The following FAM149B1 variants were observed in gnomAD, a reference collection of about 807,000 sequenced individuals.
The protein encoded by FAM149B1 is primary cilium assembly protein FAM149B1.
A neutral mutation model predicts 75.3 loss-of-function variants in FAM149B1; 56 were observed. That is an observed-to-expected ratio of 0.74 (90% confidence interval 0.60 to 0.93). The LOEUF is 0.93. Ranked by LOEUF, FAM149B1 falls within the 40% of genes least tolerant of loss-of-function variation. The pLI, the probability that FAM149B1 is intolerant of heterozygous loss-of-function variation, is 0.00. For synonymous variants in FAM149B1, 259 were observed against 256.1 expected (o/e 1.01, Z -0.11); for missense variants, 639 against 708.4 (o/e 0.90, Z 1.11).
intron 8 of FAM149B1, 162 bp from the exon 9 acceptor site, chr10:73,230,260 G>A: frequency 1.8e-6 from 1 of 547,462 alleles, no homozygotes; most frequent in Non-Finnish European, 3.3e-6. Flanking sequence ...ATGGACAGTT[G>A]ACTTGGGGCC....
intron 8 of FAM149B1, among the ~76,000 whole-genome samples, chr10:73,229,158 C>T (rs1261806413): frequency 2.6e-5 from 4 of 152,066 alleles, no homozygotes; most frequent in African/African-American, 9.7e-5. Flanking sequence ...GTATTTCTTG[C>T]AGGAGGCAGA....
intron 8 of FAM149B1, among the ~76,000 whole-genome samples, chr10:73,228,758 G>T (rs527375976): frequency 2.0e-5 from 3 of 152,134 alleles, no homozygotes; most frequent in African/African-American, 7.2e-5. Flanking sequence ...CCACCACTCG[G>T]CTGATTTCTG....
At chr10:73,181,788 GT>G (rs2042403648) in intron 3 of FAM149B1, among the ~76,000 whole-genome samples, 1 of 152,198 alleles carries the variant, frequency 6.6e-6, no homozygotes, top group Admixed American at 6.5e-5. Flanking sequence ...TAAGTCTGAT[GT>G]TTCTTTGTTG....
intron 5 of FAM149B1, among the ~76,000 whole-genome samples, chr10:73,204,138 TG>T (rs2042998361): frequency 1.3e-5 from 2 of 152,056 alleles, no homozygotes; most frequent in Non-Finnish European, 2.9e-5. Flanking sequence ...TATTTTTTTG[TG>T]TGTGTGACAG....
Position 73,234,940 on chromosome 10 carries a change from G to A in FAM149B1, c.1476G>A (p.Met492Ile). Residue 492 changes from methionine to isoleucine, a missense_variant and splice_region_variant, in exon 11 of 14, where the codon ATG (methionine) becomes ATA (isoleucine). By Grantham distance (10) the Met-to-Ile change is conservative (BLOSUM62 1). Transcript: ENST00000242505. ...HVSTVGPQRQMKPHGDSSRAQ... is the reference protein window; with the variant it reads ...HVSTVGPQRQIKPHGDSSRAQ... ...GCACTGTGGGGCCACAAAGACAGAT[G>A]GTATGTTTCTTTCATATTGCCTCTC... 1 of 1,551,746 alleles carries A rather than the reference G, an allele frequency of 6.4e-7. No individual in the cohort carries two copies. The highest frequency in any genetic ancestry group is 8.7e-7 in the Non-Finnish European group (1 of 1,147,002).
In FAM149B1 at chr10:73,203,889, C is replaced by T. The variant is rs184010215; in HGVS notation, c.543-4730C>T. 7.2e-5 allele frequency among the ~76,000 whole-genome samples: 11 copies of T among 152,196 alleles called. No individual in the cohort carries two copies. The East Asian group carries it at 2.1e-3, about 29-fold the overall frequency. ...CTCCTGGGCTCAAGCAATCCACTTG[C>T]CTCAGCCTCCCAAAGTGCAGAGATT... is the stretch of plus-strand genomic sequence containing the variant. On this transcript the variant is annotated intron_variant, in intron 5 of 13. Transcript: ENST00000242505.
At position 73,210,420 on chromosome 10, in the gene FAM149B1, T is replaced by C. The variant is rs1401715663; in HGVS notation, c.880T>C (p.Trp294Arg). The C allele has an allele frequency of 1.3e-6, 2 of 1,540,406 alleles. No individual in the cohort carries two copies. Among genetic ancestry groups the C allele is most frequent in the East Asian group, 4.9e-5 (2 of 40,776 alleles). The change falls in exon 7 of 14, where the codon TGG becomes CGG. Residue 294 changes from tryptophan to arginine, a missense_variant. Transcript: ENST00000242505. Reference protein sequence around the residue: ...SCMEQLTRSHWEGFASDDESN... With the variant: ...SCMEQLTRSHREGFASDDESN... ...TATGGAGCAGTTGACACGTAGTCAC[T>C]GGGAAGGATTTGCCTCTGGTAAGGA...
intron 1 of FAM149B1, among the ~76,000 whole-genome samples, chr10:73,174,035 T>G (rs1843832239): frequency 6.6e-6 from 1 of 152,242 alleles, no homozygotes; most frequent in Non-Finnish European, 1.5e-5. Context: ...TGCTGAATAA[T>G]ATTTCATTAT....
At chr10:73,204,799 A>T (rs1288632617) in intron 5 of FAM149B1, among the ~76,000 whole-genome samples, 5 of 116,662 alleles carry the variant, frequency 4.3e-5, no homozygotes, top group Admixed American at 1.0e-4. Flanking sequence ...TTTTTTTGAG[A>T]CGGAGTCTCG....
chr10:73,192,488 A>G, intron 3 of FAM149B1, 68 bp from the exon 4 acceptor site: 1 of 1,443,534 alleles, frequency 6.9e-7, no homozygotes, highest in Non-Finnish European at 9.4e-7. Context: ...ACTGCTTTTA[A>G]TCTTTATAAT....
chr10:73,217,850 C>A (rs2043330695), intron 7 of FAM149B1, among the ~76,000 whole-genome samples: 1 of 152,110 alleles, frequency 6.6e-6, no homozygotes, highest in Non-Finnish European at 1.5e-5. Flanking sequence ...TACTACATGC[C>A]CCAATGATTC....
chr10:73,218,486 G>A (rs1486270185), intron 7 of FAM149B1, among the ~76,000 whole-genome samples: 1 of 151,988 alleles, frequency 6.6e-6, no homozygotes, highest in East Asian at 1.9e-4. Flanking sequence ...GCTCTTCATG[G>A]TATCAGTGGG....
At chr10:73,219,729 A>G (rs1213924234) in intron 7 of FAM149B1, among the ~76,000 whole-genome samples, 1 of 152,164 alleles carries the variant, frequency 6.6e-6, no homozygotes, top group East Asian at 1.9e-4. Flanking sequence ...TTGGATCCTG[A>G]CTTCATACCA....
At chr10:73,218,023 C>T (rs1867565) in intron 7 of FAM149B1, among the ~76,000 whole-genome samples, 15,976 of 152,196 alleles carry the variant, frequency 0.1, 1,217 homozygotes, top group East Asian at 0.31. Context: ...GTTCTATACA[C>T]AATTTCTCTC....
intron 7 of FAM149B1, among the ~76,000 whole-genome samples, chr10:73,217,867 T>C (rs1324629387): frequency 6.6e-6 from 1 of 152,180 alleles, no homozygotes; most frequent in East Asian, 1.9e-4. Flanking sequence ...ATTCATGTTC[T>C]CCCACATGCA....
In FAM149B1 at chr10:73,177,876, T is replaced by C; in HGVS notation, c.183T>C (p.Phe61=). ...SKSDITRESS[F]TSADTGNSLS... Reference sequence around the variant, plus strand: ...CTGACATCACAAGAGAATCATCTTTTACATCAGCCGACACTGGGAATTCAC... The same window carrying C: ...CTGACATCACAAGAGAATCATCTTTCACATCAGCCGACACTGGGAATTCAC... Residue 61 remains phenylalanine (F), a synonymous_variant, in exon 3 of 14, where the codon TTT becomes TTC. Coordinates refer to ENST00000242505, the MANE Select transcript of FAM149B1 (RefSeq NM_173348.2). The C allele has an allele frequency of 6.4e-7, 1 of 1,551,838 alleles. No homozygotes were observed.
At chr10:73,194,883 C>T (rs534673618) in intron 5 of FAM149B1, among the ~76,000 whole-genome samples, 83 of 152,018 alleles carry the variant, frequency 5.5e-4, no homozygotes, top group Admixed American at 6.5e-4. Flanking sequence ...AGGGTTTCAC[C>T]ATGTTGGCCA....
chr10:73,244,043 C>G lies in FAM149B1; in HGVS notation c.*3024C>G, dbSNP rs2043981372. The G allele has an allele frequency of 1.3e-6, 1 of 785,770 alleles. No homozygotes were observed. Among genetic ancestry groups the G allele is most frequent in the African/African-American group, 1.8e-5 (1 of 56,258 alleles). The allele number at this position is 785,770 out of a possible 1,614,324, so 48.7% of individuals were successfully genotyped here. ...TCAATTTTATGAATATATGAATAGA[C>G]AAAATGAATCGAATTACATAACTAT... On this transcript the variant is annotated 3_prime_UTR_variant, in exon 14 of 14. Transcript: ENST00000242505.
rs71021549 is a variant in FAM149B1 at position 73,204,944 on chromosome 10, ATTTTTTTTTTTTTTTTTTTTTTT to A, written c.543-3645_543-3623del. ...AGGCACCCGCCACCATGCCTGGCTA[ATTTTTTTTTTTTTTTTTTTTTTT>A]TTTTTTTTTTTTTTTTTTTTTTTTT... On this transcript the variant is annotated intron_variant, in intron 5 of 13. Coordinates refer to ENST00000242505, the MANE Select transcript of FAM149B1 (RefSeq NM_173348.2). Among the ~76,000 whole-genome samples, 228 of 36,578 alleles carry A rather than the reference ATTTTTTTTTTTTTTTTTTTTTTT, an allele frequency of 6.2e-3. 2 individuals are homozygous for A. Among genetic ancestry groups the A allele is most frequent in the African/African-American group, 0.018 (181 of 10,258 alleles). The allele number at this position is 36,578 out of a possible 152,430, so 24.0% of individuals were successfully genotyped here. A position where few individuals can be genotyped will look rare whatever the true frequency, so the allele number is the denominator to read the frequency against.
Sources: gnomAD v4.1 joint callset for allele counts (sites outside exome capture counted in the v4.1 genomes callset) on GRCh38, gnomAD v4.1.1 for gene constraint, MANE v1.5 for transcripts, NCBI Gene and HGNC (gene_info 2026-07-23, HGNC 2026-07-21) for gene names.